PLXNA4: variants seen among roughly 807,000 people sequenced by gnomAD.
PLXNA4 encodes plexin-A4.
PLXNA4 carries 44 observed loss-of-function variants against 191.8 expected under a neutral mutation model. That is an observed-to-expected ratio of 0.23 (90% confidence interval 0.18 to 0.29). PLXNA4 has a LOEUF of 0.29. Among genes scored for constraint, PLXNA4 ranks in the 10% least tolerant of loss-of-function variants. The pLI, the probability that PLXNA4 is intolerant of heterozygous loss-of-function variation, is 1.00. For synonymous variants in PLXNA4, 1,082 were observed against 1,009.5 expected, an observed-to-expected ratio of 1.07 and a Z score of -1.36; for missense variants, 1,800 against 2,488.8, an observed-to-expected ratio of 0.72 and a Z score of 5.89.
At chr7:132,405,573 C>T (rs1053912476) in intron 3 of PLXNA4, among the ~76,000 whole-genome samples, 2 of 152,154 alleles carry the variant, frequency 1.3e-5, no homozygotes, top group African/African-American at 2.4e-5. Context: ...GAGGAGGTGT[C>T]GGCTTAGCAG....
intron 2 of PLXNA4, among the ~76,000 whole-genome samples, chr7:132,584,136 C>G (rs1863557): frequency 0.97 from 148,132 of 152,318 alleles, 72,173 homozygotes; most frequent in East Asian, 1. Context: ...TCAAATGATT[C>G]TGCATGGGAA....
chr7:132,384,657 A>T, intron 3 of PLXNA4: 1 of 993,744 alleles, frequency 1.0e-6, no homozygotes, highest in Non-Finnish European at 1.2e-6. Context: ...GGTTCTGAGC[A>T]CTGAGTTAAT....
At chr7:132,206,724 G>A (rs1797635207) in intron 10 of PLXNA4, among the ~76,000 whole-genome samples, 1 of 152,132 alleles carries the variant, frequency 6.6e-6, no homozygotes, top group South Asian at 2.1e-4. Flanking sequence ...GGGGAAAGGG[G>A]TGGGCATGGC....
chr7:132,522,617 C>T (rs1019680796), intron 1 of PLXNA4, among the ~76,000 whole-genome samples: 1 of 152,134 alleles, frequency 6.6e-6, no homozygotes, highest in Non-Finnish European at 1.5e-5. Flanking sequence ...ACAAAAAATA[C>T]AAAAATTAGC....
intron 21 of PLXNA4, among the ~76,000 whole-genome samples, chr7:132,173,748 T>C (rs1195332985): frequency 6.6e-6 from 1 of 152,244 alleles, no homozygotes; most frequent in African/African-American, 2.4e-5. Flanking sequence ...TTTTATTTTA[T>C]GGACAATGTA....
chr7:132,185,280 C>T lies in PLXNA4; in HGVS notation c.3158+19G>A, dbSNP rs373591761. The T allele has an allele frequency of 5.8e-5, 92 of 1,599,890 alleles. No individual in the cohort carries two copies. The highest frequency in any genetic ancestry group is 2.7e-4 in the East Asian group (12 of 44,528). ...ACAGAGGTGCAGAAGCATTAAGGTC[C>T]GCTTGGGCCAGCTCCTACCTGACAA... On this transcript the variant is annotated intron_variant, in intron 16 of 31. Coordinates refer to ENST00000321063, the MANE Select transcript of PLXNA4 (RefSeq NM_020911.2).
At chr7:132,403,394 G>A (rs1794074721) in intron 3 of PLXNA4, among the ~76,000 whole-genome samples, 2 of 152,232 alleles carry the variant, frequency 1.3e-5, no homozygotes, top group African/African-American at 4.8e-5. Context: ...CCTACTCAGG[G>A]GAGGAGCTGG....
intron 3 of PLXNA4, among the ~76,000 whole-genome samples, chr7:132,415,978 A>T (rs890718498): frequency 2.0e-5 from 3 of 152,204 alleles, no homozygotes; most frequent in African/African-American, 7.2e-5. Flanking sequence ...ATAACCAGCT[A>T]CTCGTGGTTC....
chr7:132,637,125 C>T (rs778398028), intron 2 of PLXNA4, among the ~76,000 whole-genome samples: 2 of 152,216 alleles, frequency 1.3e-5, no homozygotes, highest in African/African-American at 4.8e-5. Context: ...TGATCATTCT[C>T]TTGGCTCTCA....
chr7:132,399,319 G>C lies in PLXNA4; in HGVS notation c.1371+89973C>G, dbSNP rs201801783. The stretch of plus-strand genomic sequence containing the variant: ...CAGGCCTTAGAGGGACTGATCATAA[G>C]CATAAAACATAGCAACAACAAAAAT... On this transcript the variant is annotated intron_variant, in intron 3 of 31. Transcript: ENST00000321063. 3.7e-4 allele frequency among the ~76,000 whole-genome samples: 57 copies of C among 152,278 alleles called. No homozygotes were observed. In the East Asian group the frequency reaches 0.011, roughly 28 times the overall value.
chr7:132,487,554 T>C (rs1797610252), intron 3 of PLXNA4, among the ~76,000 whole-genome samples: 1 of 152,194 alleles, frequency 6.6e-6, no homozygotes, highest in African/African-American at 2.4e-5. Context: ...CTCATGTACT[T>C]CTCTCCTCAG....
At chr7:132,399,937 AAT>A (rs1202078403) in intron 3 of PLXNA4, among the ~76,000 whole-genome samples, 9 of 152,094 alleles carry the variant, frequency 5.9e-5, no homozygotes, top group Admixed American at 3.3e-4. Context: ...CGAGATCTAG[AAT>A]ACTTTCATGG....
At chr7:132,482,538 T>C (rs548685047) in intron 3 of PLXNA4, among the ~76,000 whole-genome samples, 1 of 152,250 alleles carries the variant, frequency 6.6e-6, no homozygotes, top group African/African-American at 2.4e-5. Flanking sequence ...AGCTGAGCCA[T>C]GCCCAGATTC....
At chr7:132,586,016 G>C (rs913221163) in intron 2 of PLXNA4, among the ~76,000 whole-genome samples, 8 of 152,232 alleles carry the variant, frequency 5.3e-5, no homozygotes, top group Non-Finnish European at 1.2e-4. Flanking sequence ...GGAAACGTAA[G>C]AGAGAATATC....
rs1798372163 is a variant in PLXNA4 at position 132,227,599 on chromosome 7, G to T, written c.1734C>A (p.Val578=). The T allele has an allele frequency of 1.2e-6, 2 of 1,614,048 alleles. No homozygotes were observed. Among genetic ancestry groups the T allele is most frequent in the South Asian group, 2.2e-5 (2 of 91,078 alleles). The change falls in exon 7 of 32, where the codon GTC becomes GTA. Residue 578 remains valine, a synonymous_variant. Coordinates refer to ENST00000321063, the MANE Select transcript of PLXNA4 (RefSeq NM_020911.2). The stretch of plus-strand genomic sequence containing the variant: ...GCTCCGGGACATTGTACGTCTCCAG[G>T]ACCAGCTGTGAACAGCCAGGCGGGG... ...ISVSQYNVLL[V]LETYNVPELS...
At chr7:132,506,587 A>G (rs1798473408) in intron 2 of PLXNA4, among the ~76,000 whole-genome samples, 1 of 152,228 alleles carries the variant, frequency 6.6e-6, no homozygotes, top group African/African-American at 2.4e-5. Context: ...GTGAAAAAGC[A>G]GGACCATTGT....
At chr7:132,601,343 C>T (rs147242315) in intron 2 of PLXNA4, among the ~76,000 whole-genome samples, 1 of 152,154 alleles carries the variant, frequency 6.6e-6, no homozygotes, top group East Asian at 1.9e-4. Flanking sequence ...AGATTCCCCC[C>T]ATTGTTTTCT....
At chr7:132,506,742 C>T (rs937673046) in intron 2 of PLXNA4, among the ~76,000 whole-genome samples, 1 of 152,190 alleles carries the variant, frequency 6.6e-6, no homozygotes, top group African/African-American at 2.4e-5. Context: ...CATGCGAAGA[C>T]CCCTAAGCCA....
rs371067011 is a variant in PLXNA4, at chr7:132,164,340, A to G, written c.4354-52T>C. The G allele has an allele frequency of 6.3e-6, 10 of 1,597,198 alleles. No individual in the cohort carries two copies. In the African/African-American group the frequency reaches 1.2e-4, roughly 19 times the overall value. ...AGGAGCTCTTGGAACACTGGAGTGT[A>G]CCCCCAGTCCCTGCTTCTCCAAAGG... On this transcript the variant is annotated intron_variant, in intron 23 of 31. Transcript: ENST00000321063.
Sources: allele counts gnomAD v4.1 joint callset (sites outside exome capture counted in the v4.1 genomes callset), GRCh38; gene constraint gnomAD v4.1.1; transcripts MANE v1.5; gene names NCBI Gene and HGNC (gene_info 2026-07-23, HGNC 2026-07-21).